The following GON4L variants were observed in gnomAD, a reference collection of about 807,000 sequenced individuals.
GON4L encodes gon-4 like, also known as GON-4-like protein.
A neutral mutation model predicts 211.8 loss-of-function variants in GON4L; 87 were observed. The observed-to-expected ratio is 0.41, with a 90% CI of 0.35 to 0.49. The LOEUF (loss-of-function observed/expected upper bound fraction) is 0.49. GON4L is among the 20% of genes least tolerant of loss of function. GON4L has a pLI of 0.15. For missense variants in GON4L, 2,155 were observed against 2,659.5 expected (o/e 0.81, Z 4.17); for synonymous variants, 875 against 962.6 (o/e 0.91, Z 1.68).
chr1:155,816,222 T>C lies in GON4L; in HGVS notation c.1055A>G (p.Asn352Ser), dbSNP rs137904030. ...TTCTTCCAAGTTTACCTTAATTTCA[T>C]TGGCCTTCTTAATTGGTGAAATATT... ...TWNISPIKKA[N>S]EIKPPQFVDI... Residue 352 changes from asparagine to serine, a missense_variant, in exon 7 of 32, where the codon AAT becomes AGT. Physicochemically the swap from Asn to Ser is conservative, Grantham distance 46. Around this residue, in one of 6 missense-constraint regions of GON4L, gnomAD observed 551 missense variants for 854.0 expected, o/e 0.65. Coordinates refer to ENST00000368331, the MANE Select transcript of GON4L (RefSeq NM_001282860.2). The C allele has an allele frequency of 1.0e-5, 14 of 1,339,256 alleles. No individual in the cohort carries two copies. The highest frequency in any genetic ancestry group is 1.7e-5 in the Admixed American group (1 of 59,148). The allele number at this position is 1,339,256 out of a possible 1,614,324, so 83.0% of individuals were successfully genotyped here.
chr1:155,770,182 A>G (rs1663044417), intron 19 of GON4L, among the ~76,000 whole-genome samples: 1 of 152,112 alleles, frequency 6.6e-6, no homozygotes, highest in Admixed American at 6.6e-5. Flanking sequence ...ACTGTACTCC[A>G]GCCTGGGTAG....
intron 12 of GON4L, among the ~76,000 whole-genome samples, chr1:155,787,704 T>C (rs1665102628): frequency 6.6e-6 from 1 of 151,774 alleles, no homozygotes; most frequent in Non-Finnish European, 1.5e-5. Flanking sequence ...ACCCAGGAGG[T>C]GGAGGTTGCA....
chr1:155,760,358 C>CT (rs1661664411), intron 24 of GON4L, 86 bp downstream of exon 24: 4 of 805,400 alleles, frequency 5.0e-6, no homozygotes, highest in Non-Finnish European at 8.1e-6. Flanking sequence ...AGCTGGGAGA[C>CT]TGAAAGAGTC....
In GON4L at chr1:155,750,159, G is replaced by A; in HGVS notation, c.*425C>T. 1.7e-6 allele frequency: 1 copy of A among 591,098 alleles called. No homozygotes were observed. 36.6% of individuals were successfully genotyped at this position (591,098 alleles called of 1,614,324 possible). On this transcript the variant is annotated 3_prime_UTR_variant, in exon 32 of 32. Coordinates refer to ENST00000368331, the MANE Select transcript of GON4L (RefSeq NM_001282860.2). ...CTAAAGTTCCCAGTGTGGGAGAAAG[G>A]AGCTAGTTTGCAATAAAAACAGCTG...
intron 24 of GON4L, among the ~76,000 whole-genome samples, chr1:155,758,868 G>C (rs1211133764): frequency 6.6e-6 from 1 of 152,066 alleles, no homozygotes; most frequent in Non-Finnish European, 1.5e-5. Flanking sequence ...GACAGAGTCA[G>C]ACTTTGCCTC....
chr1:155,782,154 CT>C (rs1389054848), intron 14 of GON4L, among the ~76,000 whole-genome samples: 1 of 152,174 alleles, frequency 6.6e-6, no homozygotes, highest in Non-Finnish European at 1.5e-5. Context: ...TTTTTCCTCT[CT>C]CTTCTTTATT....
At chr1:155,773,727 C>A (rs1047857787) in intron 17 of GON4L, among the ~76,000 whole-genome samples, 1 of 152,196 alleles carries the variant, frequency 6.6e-6, no homozygotes, top group Non-Finnish European at 1.5e-5. Context: ...GGAGACAATT[C>A]AGTCTCATTC....
rs753710690 is a variant in GON4L, at chr1:155,762,153, T to G, written c.4911+37A>C. ...TCCCTTGAAGAAGCAGCCACATTCA[T>G]AGAGACTGGCAATAACAGGAAGCAG... is the stretch of plus-strand genomic sequence containing the variant. On this transcript the variant is annotated intron_variant, in intron 23 of 31. Coordinates refer to ENST00000368331, the MANE Select transcript of GON4L (RefSeq NM_001282860.2). The G allele has an allele frequency of 2.0e-6, 3 of 1,525,224 alleles. No individual in the cohort carries two copies. In the South Asian group the frequency reaches 3.5e-5, roughly 18 times the overall value. The allele number at this position is 1,525,224 out of a possible 1,614,324, so 94.5% of individuals were successfully genotyped here.
At chr1:155,759,443 G>C (rs980825103) in intron 24 of GON4L, among the ~76,000 whole-genome samples, 1 of 152,002 alleles carries the variant, frequency 6.6e-6, no homozygotes, top group Non-Finnish European at 1.5e-5. Flanking sequence ...TGGTGGTGGC[G>C]CATGCCTGTA....
In GON4L at chr1:155,853,459, A is replaced by C. The variant is rs560456186; in HGVS notation, c.322T>G (p.Leu108Val). The change falls in exon 2 of 32, where the codon TTG becomes GTG. Residue 108 changes from leucine to valine, a missense_variant. By Grantham distance (32) the Leu-to-Val change is conservative. Around this residue, in one of 6 missense-constraint regions of GON4L, gnomAD observed 313 missense variants for 293.2 expected, o/e 1.07. Coordinates refer to ENST00000368331, the MANE Select transcript of GON4L (RefSeq NM_001282860.2). ...ATATTAAGGGGGTGAAAAGACTCCA[A>C]GGAAGGTAGGGTGATTCCCTGAGAG... is the stretch of plus-strand genomic sequence containing the variant. ...AISQGITLPS[L>V]ESFHPLNIHI... The C allele has an allele frequency of 1.9e-6, 3 of 1,614,086 alleles. No homozygotes were observed. The highest frequency in any genetic ancestry group is 2.2e-5 in the South Asian group (2 of 91,082).
At chr1:155,767,243 G>T in intron 20 of GON4L, 182 bp downstream of exon 20, 1 of 1,383,854 alleles carries the variant, frequency 7.2e-7, no homozygotes, top group South Asian at 1.4e-5. Context: ...CTATTATTTT[G>T]AAAATGCTGT....
chr1:155,777,996 T>TA, intron 14 of GON4L, among the ~76,000 whole-genome samples, 176 bp from the exon 15 acceptor site: 1 of 152,312 alleles, frequency 6.6e-6, no homozygotes, highest in South Asian at 2.1e-4. Context: ...CCAAAGTAGT[T>TA]AGCATGCATC....
chr1:155,760,666 C>T lies in GON4L; in HGVS notation c.4912-25G>A, dbSNP rs555343686. On this transcript the variant is annotated intron_variant, in intron 23 of 31. Transcript: ENST00000368331. ...CCTACACGGGAAGACTTTCAATCAT[C>T]AACACCCTTTATTTGGGCCACAACA... The T allele has an allele frequency of 3.3e-6, 5 of 1,517,336 alleles. No homozygotes were observed. In the East Asian group the frequency reaches 9.0e-5, roughly 27 times the overall value. The allele number at this position is 1,517,336 out of a possible 1,614,324, so 94.0% of individuals were successfully genotyped here. A position where few individuals can be genotyped will look rare whatever the true frequency, so the allele number is the denominator to read the frequency against.
chr1:155,784,932 G>T (rs1664794736), intron 13 of GON4L: 7 of 337,958 alleles, frequency 2.1e-5, no homozygotes, highest in South Asian at 1.7e-4. Context: ...GAGCAATGTG[G>T]TAAGACCCTG....
chr1:155,798,100 TTATATAAATATAAATA>T (rs1013835698), intron 11 of GON4L, among the ~76,000 whole-genome samples: 7 of 146,926 alleles, frequency 4.8e-5, no homozygotes, highest in African/African-American at 1.5e-4. Context: ...TATATATTTT[TTATATAAATATAAATA>T]TATATAAATA....
Position 155,752,365 on chromosome 1 carries a change from A to G in GON4L, c.6068T>C (p.Val2023Ala), listed in dbSNP as rs1660692619. The G allele has an allele frequency of 6.3e-7, 1 of 1,599,890 alleles. No homozygotes were observed. The highest frequency in any genetic ancestry group is 1.7e-5 in the Admixed American group (1 of 57,784). Residue 2023 changes from valine to alanine, a missense_variant, in exon 30 of 32, where the codon GTG (valine) becomes GCG (alanine). This residue lies in a region of GON4L where 186 missense variants were observed against 308.1 expected (regional missense o/e 0.60). Coordinates refer to ENST00000368331, the MANE Select transcript of GON4L (RefSeq NM_001282860.2). ...CAGCATCAAAGCCTCTGACTCACTC[A>G]CTGCCTTTTGGCCCTCCCTCTCTTT... ...LQKEREGQKA[V>A]SESEALMLVW...
chr1:155,747,889 A>G (rs1247180946), downstream of GON4L: 2 of 1,573,872 alleles, frequency 1.3e-6, no homozygotes, highest in East Asian at 2.2e-5. Flanking sequence ...GGTCCCTACC[A>G]TCGTGGGGTG....
intron 11 of GON4L, among the ~76,000 whole-genome samples, chr1:155,797,668 A>ACCCCCCC (rs66502933): frequency 2.8e-5 from 4 of 143,526 alleles, no homozygotes; most frequent in Non-Finnish European, 4.6e-5. Context: ...ACATGGTGAG[A>ACCCCCCC]CCCCCCCCCT....
At chr1:155,832,041 G>A (rs533333947) in intron 2 of GON4L, among the ~76,000 whole-genome samples, 5 of 152,064 alleles carry the variant, frequency 3.3e-5, no homozygotes, top group South Asian at 4.2e-4. Flanking sequence ...TTGGAAGGCC[G>A]AGGTGGGTGG....
Sources: allele counts gnomAD v4.1 joint callset (sites outside exome capture counted in the v4.1 genomes callset), GRCh38; gene constraint gnomAD v4.1.1; regional missense constraint gnomAD v4.1.1; transcripts MANE v1.5; gene names NCBI Gene and HGNC (gene_info 2026-07-23, HGNC 2026-07-21).